The following ZNF816 variants were observed in gnomAD, a reference collection of about 807,000 sequenced individuals.
The protein encoded by ZNF816 is zinc finger protein 816A.
In ZNF816, 11 loss-of-function variants were observed where a neutral mutation model predicts 8.3. The observed-to-expected ratio is 1.32, with a 90% CI of 0.83 to 2.19. ZNF816 has a LOEUF of 2.19. Ranked by LOEUF, ZNF816 falls within the 30% of genes most tolerant of loss-of-function variation. The pLI is 0.00. For missense variants in ZNF816, 710 were observed against 779.3 expected, an observed-to-expected ratio of 0.91 and a Z score of 1.06; for synonymous variants, 255 against 254.5, an observed-to-expected ratio of 1.00 and a Z score of -0.02.
chr19:52,952,764 G>A lies in ZNF816; in HGVS notation c.177C>T (p.Asn59=), dbSNP rs775253097. 8 of 1,613,898 alleles carry A rather than the reference G, an allele frequency of 5.0e-6. No individual in the cohort carries two copies. The highest frequency in any genetic ancestry group is 6.8e-6 in the Non-Finnish European group (8 of 1,179,990). The part of the protein sequence containing the change: ...YRAVMLENYR[N]LEFVDSSLKS... Reference sequence around the variant, plus strand: ...CATTTTCCTCACCCACAAACTCCAGGTTCCTGTAGTTCTCCAACATCACAG... The same window carrying A: ...CATTTTCCTCACCCACAAACTCCAGATTCCTGTAGTTCTCCAACATCACAG... The change falls in exon 3 of 4, where the codon AAC becomes AAT. Residue 59 remains asparagine, a synonymous_variant. Coordinates refer to ENST00000444460, the MANE Select transcript of ZNF816 (RefSeq NM_001202457.3).
rs1035543681 is a variant in ZNF816 at position 52,950,701 on chromosome 19, A to C, written c.1074T>G (p.Ile358Met). 6.2e-7 allele frequency: 1 copy of C among 1,613,182 alleles called. No homozygotes were observed. The highest frequency in any genetic ancestry group is 8.5e-7 in the Non-Finnish European group (1 of 1,179,828). The change falls in exon 4 of 4, where the codon ATT (isoleucine) becomes ATG (methionine). Residue 358 changes from isoleucine to methionine, a missense_variant. Coordinates refer to ENST00000444460, the MANE Select transcript of ZNF816 (RefSeq NM_001202457.3). ...KTFGRNSALV[I>M]HKAIHTGEKP... ...TCTCTCCAGTATGAATTGCCTTATG[A>C]ATTACAAGGGCTGAATTTCGACCAA... is the stretch of plus-strand genomic sequence containing the variant.
chr19:52,956,259 G>C, intron 1 of ZNF816, 155 bp from the exon 2 acceptor site: 1 of 802,738 alleles, frequency 1.2e-6, no homozygotes, highest in Non-Finnish European at 1.9e-6. Context: ...AAGTTCCACA[G>C]GAAGACCTAC....
At chr19:52,954,753 G>A (rs1467045638) in intron 2 of ZNF816, among the ~76,000 whole-genome samples, 2 of 143,466 alleles carry the variant, frequency 1.4e-5, no homozygotes, top group Non-Finnish European at 3.0e-5. Context: ...GAACCTGAGA[G>A]CCAGAGGTTG....
In ZNF816 at chr19:52,956,073, G is replaced by T. The variant is rs761932347; in HGVS notation, c.17C>A (p.Ala6Asp). ...CTCCTTTTCTTTGCTCTTCTTGGTG[G>T]CTTCCTCACGTAACATGAGTCTTTG... MLREEATKKSKEKEPG... is the reference protein window; with the variant it reads MLREEDTKKSKEKEPG... Residue 6 changes from alanine to aspartate, a missense_variant, in exon 2 of 4, where the codon GCC (alanine) becomes GAC (aspartate). Ala to Asp is a moderately radical substitution (Grantham distance 126). Coordinates refer to ENST00000444460, the MANE Select transcript of ZNF816 (RefSeq NM_001202457.3). 7.4e-6 allele frequency: 12 copies of T among 1,610,950 alleles called. No individual in the cohort carries two copies. In the African/African-American group the frequency reaches 1.3e-4, roughly 18 times the overall value.
rs1017797605 is a variant in ZNF816, at chr19:52,951,470, C to G, written c.305G>C (p.Cys102Ser). 2.5e-6 allele frequency: 4 copies of G among 1,613,764 alleles called. No individual in the cohort carries two copies. Among genetic ancestry groups the G allele is most frequent in the African/African-American group, 1.3e-5 (1 of 74,886 alleles). ...AATATCTTTCTTCATTTCTGGGAAGCAAAAATCTCCAATGTGATGACTTTT... is the reference window on the plus strand; with the variant it reads ...AATATCTTTCTTCATTTCTGGGAAGGAAAAATCTCCAATGTGATGACTTTT... ...RHKSHHIGDF[C>S]FPEMKKDIHH... The change falls in exon 4 of 4, where the codon TGC becomes TCC. Residue 102 changes from cysteine to serine, a missense_variant. By Grantham distance (112) the Cys-to-Ser change is moderately radical. Coordinates refer to ENST00000444460, the MANE Select transcript of ZNF816 (RefSeq NM_001202457.3).
Position 52,950,363 on chromosome 19 carries a change from T to C in ZNF816, c.1412A>G (p.His471Arg), listed in dbSNP as rs753888067. Residue 471 changes from histidine (H) to arginine (R), a missense_variant, in exon 4 of 4, where the codon CAT becomes CGT. Coordinates refer to ENST00000444460, the MANE Select transcript of ZNF816 (RefSeq NM_001202457.3). ...SFSRKSSLQY[H>R]HTLHTGEKPY... ...TTTCTCTCCAGTGTGAAGTGTATGATGGTATTGAAGGGATGACTTCCGACT... is the reference window on the plus strand; with the variant it reads ...TTTCTCTCCAGTGTGAAGTGTATGACGGTATTGAAGGGATGACTTCCGACT... 2.5e-6 allele frequency: 4 copies of C among 1,613,932 alleles called. No individual in the cohort carries two copies. The highest frequency in any genetic ancestry group is 4.5e-5 in the East Asian group (2 of 44,840).
chr19:52,956,303 C>T, intron 1 of ZNF816, 199 bp from the exon 2 acceptor site: 4 of 537,254 alleles, frequency 7.4e-6, no homozygotes, highest in South Asian at 2.5e-5. Context: ...AGATCTTGCT[C>T]CCCTCCTGGA....
chr19:52,953,677 A>G (rs2083485003), intron 2 of ZNF816, among the ~76,000 whole-genome samples: 1 of 140,878 alleles, frequency 7.1e-6, no homozygotes, highest in Non-Finnish European at 1.5e-5. Flanking sequence ...TATATTATAT[A>G]TAATATTGTA....
chr19:52,953,757 AGTCCAG>A (rs2083486367), intron 2 of ZNF816, among the ~76,000 whole-genome samples: 1 of 144,246 alleles, frequency 6.9e-6, no homozygotes, highest in Non-Finnish European at 1.5e-5. Flanking sequence ...ATATAAAATA[AGTCCAG>A]ACATGGTGGC....
At chr19:52,953,597 TATATA>T (rs1240395468) in intron 2 of ZNF816, among the ~76,000 whole-genome samples, 1,040 of 93,370 alleles carry the variant, frequency 0.011, 30 homozygotes, top group African/African-American at 0.079. Flanking sequence ...TACAATATTA[TATATA>T]ATATGTATTT....
chr19:52,950,995 A>C lies in ZNF816; in HGVS notation c.780T>G (p.Asp260Glu), dbSNP rs770298600. Residue 260 changes from aspartate to glutamate, a missense_variant, in exon 4 of 4, where the codon GAT becomes GAG. Physicochemically the swap from Asp to Glu is conservative, Grantham distance 45 (BLOSUM62 2). Coordinates refer to ENST00000444460, the MANE Select transcript of ZNF816 (RefSeq NM_001202457.3). ...THSREREYKC[D>E]VCGKIFNQKQ... ...TCTGATTAAAGATCTTGCCACATAC[A>C]TCACATTTATATTCTCTCTCTCTTG... The C allele has an allele frequency of 5.6e-6, 9 of 1,614,056 alleles. No individual in the cohort carries two copies. The Admixed American group carries it at 1.3e-4, about 24-fold the overall frequency.
chr19:52,952,388 G>T, intron 3 of ZNF816: 1 of 391,734 alleles, frequency 2.6e-6, no homozygotes, highest in Non-Finnish European at 4.5e-6. Flanking sequence ...CAAACAAAAA[G>T]AAAACAAAAC....
intron 2 of ZNF816, chr19:52,953,406 A>AG: frequency 6.9e-6 from 1 of 144,518 alleles, no homozygotes. Flanking sequence ...AAAAAAAAGA[A>AG]AAAAAATATA....
At chr19:52,962,595 G>C in intron 1 of ZNF816, 132 bp downstream of exon 1, 1 of 152,218 alleles carries the variant, frequency 6.6e-6, no homozygotes, top group African/African-American at 2.4e-5. Flanking sequence ...GGGAGGACGC[G>C]TCAGAAAGGG....
rs1350265992 is a variant in ZNF816 at position 52,949,985 on chromosome 19, T to C, written c.1790A>G (p.Glu597Gly). Residue 597 changes from glutamate (E) to glycine (G), a missense_variant, in exon 4 of 4, where the codon GAA (glutamate) becomes GGA (glycine). Coordinates refer to ENST00000444460, the MANE Select transcript of ZNF816 (RefSeq NM_001202457.3). ...HTGEKPYKCN[E>G]CGKVFNQKAS... ...TTTTTGATTAAAAACCTTGCCACAT[T>C]CATTACACTTGTAAGGTTTCTCTCC... The C allele has an allele frequency of 6.2e-7, 1 of 1,614,056 alleles. No homozygotes were observed. Among genetic ancestry groups the C allele is most frequent in the East Asian group, 2.2e-5 (1 of 44,872 alleles).
chr19:52,952,739 C>T lies in ZNF816; in HGVS notation c.190+12G>A. On this transcript the variant is annotated intron_variant, in intron 3 of 3. Transcript: ENST00000444460. Reference sequence around the variant, plus strand: ...TGCAGATTCCTCATGTCTGGAGGGACATTTTCCTCACCCACAAACTCCAGG... The same window carrying T: ...TGCAGATTCCTCATGTCTGGAGGGATATTTTCCTCACCCACAAACTCCAGG... 8 of 1,613,564 alleles carry T rather than the reference C, an allele frequency of 5.0e-6. No individual in the cohort carries two copies. The highest frequency in any genetic ancestry group is 1.1e-5 in the South Asian group (1 of 91,064).
In ZNF816 at chr19:52,950,176, C is replaced by CCTCT. The variant is rs2083442435; in HGVS notation, c.1598_1599insAGAG (p.Lys535GlyfsTer7). 1 of 1,609,850 alleles carries CCTCT rather than the reference C, an allele frequency of 6.2e-7. No individual in the cohort carries two copies. Among genetic ancestry groups the CCTCT allele is most frequent in the East Asian group, 2.2e-5 (1 of 44,576 alleles). On this transcript the variant is annotated frameshift_variant, in exon 4 of 4. Transcript: ENST00000444460. LOFTEE classifies it low-confidence loss of function (END_TRUNC). ...AAACCTTACATTTGTATGGTTTTTC[C>CCTCT]CCAGTATGAATTCTCCTATGTCTTT...
At chr19:52,955,691 G>A (rs1418554142) in intron 2 of ZNF816, among the ~76,000 whole-genome samples, 1 of 152,088 alleles carries the variant, frequency 6.6e-6, no homozygotes, top group Non-Finnish European at 1.5e-5. Context: ...CTCTGATCTG[G>A]TCCACAAAGA....
chr19:52,955,946 C>A (rs1021877143), intron 2 of ZNF816, 81 bp downstream of exon 2: 48 of 1,538,042 alleles, frequency 3.1e-5, no homozygotes, highest in Non-Finnish European at 4.1e-5. Flanking sequence ...ATGCTTCACA[C>A]TCAGAGAAGA....
Sources: allele counts gnomAD v4.1 joint callset (sites outside exome capture counted in the v4.1 genomes callset), GRCh38; gene constraint gnomAD v4.1.1; transcripts MANE v1.5; gene names NCBI Gene and HGNC (gene_info 2026-07-23, HGNC 2026-07-21).